The following CTNNA2 variants were observed in gnomAD, a reference collection of about 807,000 sequenced individuals.
CTNNA2 encodes the protein catenin alpha 2, also known as catenin alpha-2.
In CTNNA2, 42 loss-of-function variants were observed where a neutral mutation model predicts 101.0. That is an observed-to-expected ratio of 0.42 (90% CI 0.32 to 0.54). The LOEUF is 0.54. Among genes scored for constraint, CTNNA2 ranks in the 20% least tolerant of loss-of-function variants. The pLI, the probability that CTNNA2 is intolerant of heterozygous loss-of-function variation, is 0.14. For missense variants in CTNNA2, 871 were observed against 1,223.1 expected (o/e 0.71, Z 4.29); for synonymous variants, 450 against 456.4 (o/e 0.99, Z 0.18).
chr2:80,546,162 G>A (rs1449404769), intron 11 of CTNNA2, 99 bp downstream of exon 11: 14 of 1,424,774 alleles, frequency 9.8e-6, no homozygotes, highest in African/African-American at 2.8e-5. Flanking sequence ...TGTTTCAGGC[G>A]CACTCCTTAG....
At chr2:80,260,147 T>G (rs1053015201) in intron 7 of CTNNA2, among the ~76,000 whole-genome samples, 24 of 152,210 alleles carry the variant, frequency 1.6e-4, no homozygotes, top group Admixed American at 3.9e-4. Context: ...ATCTCAATTA[T>G]GTGGCAAATC....
At position 79,616,897 on chromosome 2, in the gene CTNNA2, T is replaced by G. The variant is rs1049942714; in HGVS notation, c.-5-34655T>G. ...TCTTTCTCCCCAATAATATTTAATA[T>G]TTTCTTTCTTTCTTTTTTTTTCGAG... On this transcript the variant is annotated intron_variant, in intron 1 of 18. Coordinates refer to ENST00000402739, the MANE Select transcript of CTNNA2 (RefSeq NM_001282597.3). Among the ~76,000 whole-genome samples the G allele has an allele frequency of 6.0e-5, 9 of 151,136 alleles. No homozygotes were observed. The South Asian group carries it at 1.9e-3, about 32-fold the overall frequency.
At chr2:79,973,503 G>T (rs934853919) in intron 7 of CTNNA2, among the ~76,000 whole-genome samples, 2 of 152,190 alleles carry the variant, frequency 1.3e-5, no homozygotes, top group African/African-American at 4.8e-5. Context: ...TGGTGGAACA[G>T]AGAAGATTTA....
intron 7 of CTNNA2, among the ~76,000 whole-genome samples, chr2:80,057,936 C>T (rs753426598): frequency 4.6e-5 from 7 of 152,068 alleles, no homozygotes; most frequent in Non-Finnish European, 7.4e-5. Context: ...GGAAACAATA[C>T]CTTTCATACT....
chr2:79,349,727 AG>A (rs1456538962), intron 3 of CTNNA2, among the ~76,000 whole-genome samples: 3 of 152,224 alleles, frequency 2.0e-5, no homozygotes, highest in African/African-American at 7.2e-5. Context: ...AACAACAAAA[AG>A]CATGTATGTG....
At chr2:79,808,073 C>T (rs768260755) in intron 3 of CTNNA2, among the ~76,000 whole-genome samples, 8 of 152,180 alleles carry the variant, frequency 5.3e-5, no homozygotes, top group East Asian at 3.9e-4. Flanking sequence ...ACTTGTAAAA[C>T]GTAGTATTTA....
At chr2:80,331,325 G>A (rs1051718460) in intron 7 of CTNNA2, among the ~76,000 whole-genome samples, 2 of 152,144 alleles carry the variant, frequency 1.3e-5, no homozygotes, top group Admixed American at 6.5e-5. Flanking sequence ...GATTGCCAGG[G>A]CTCATTTTAA....
chr2:79,985,974 C>T (rs990836028), intron 7 of CTNNA2, among the ~76,000 whole-genome samples: 6 of 152,176 alleles, frequency 3.9e-5, no homozygotes, highest in African/African-American at 1.2e-4. Flanking sequence ...TAGACATTTG[C>T]TTTCCGAATG....
intron 7 of CTNNA2, among the ~76,000 whole-genome samples, chr2:80,281,975 T>A: frequency 6.6e-6 from 1 of 151,958 alleles, no homozygotes; most frequent in East Asian, 1.9e-4. Flanking sequence ...CTTGGAATAA[T>A]AGAACCTGCA....
chr2:79,743,997 C>T (rs922677901), intron 2 of CTNNA2, among the ~76,000 whole-genome samples: 8 of 152,150 alleles, frequency 5.3e-5, no homozygotes, highest in African/African-American at 1.9e-4. Flanking sequence ...GATGTTGGTT[C>T]TCCTAGCTCA....
chr2:79,835,525 G>A (rs1288384453), intron 3 of CTNNA2, among the ~76,000 whole-genome samples: 1 of 152,042 alleles, frequency 6.6e-6, no homozygotes, highest in African/African-American at 2.4e-5. Flanking sequence ...ATAGCTTTCA[G>A]GCAATACCTC....
chr2:79,641,293 T>C (rs1680433762), intron 1 of CTNNA2, among the ~76,000 whole-genome samples: 1 of 152,196 alleles, frequency 6.6e-6, no homozygotes, highest in South Asian at 2.1e-4. Flanking sequence ...ATAATCTAAA[T>C]ATGAAATGTT....
intron 2 of CTNNA2, among the ~76,000 whole-genome samples, chr2:79,223,333 A>G (rs534098623): frequency 1.3e-5 from 2 of 152,300 alleles, no homozygotes; most frequent in African/African-American, 4.8e-5. Context: ...TGAGAAATAA[A>G]TTTTTATTGT....
In CTNNA2 at chr2:79,776,363, A is replaced by G. The variant is rs955725015; in HGVS notation, c.298+31781A>G. Among the ~76,000 whole-genome samples, 5 of 152,200 alleles carry G rather than the reference A, an allele frequency of 3.3e-5. No individual in the cohort carries two copies. In the East Asian group the frequency reaches 9.6e-4, roughly 29 times the overall value. Reference sequence around the variant, plus strand: ...AGTGTCTGGGTACCACCAAAGCAATATCCATGGTAACAGATACAAAATCTC... The same window carrying G: ...AGTGTCTGGGTACCACCAAAGCAATGTCCATGGTAACAGATACAAAATCTC... On this transcript the variant is annotated intron_variant, in intron 3 of 18. Transcript: ENST00000402739.
At chr2:79,349,178 A>C (rs1677328468) in intron 3 of CTNNA2, among the ~76,000 whole-genome samples, 1 of 152,194 alleles carries the variant, frequency 6.6e-6, no homozygotes, top group African/African-American at 2.4e-5. Flanking sequence ...AGTGAAATGT[A>C]AGTTTGTGGA....
rs61186189 is a variant in CTNNA2 at position 80,547,690 on chromosome 2, C to CTTTTTTTTTT, written c.1540+1634_1540+1643dup. On this transcript the variant is annotated intron_variant, in intron 11 of 18. Coordinates refer to ENST00000402739, the MANE Select transcript of CTNNA2 (RefSeq NM_001282597.3). ...AGAACTCAATATATTGTCACTTCTG[C>CTTTTTTTTTT]TTTTTTTTTTTTTTTTGAGATGGAG... 4.9e-3 allele frequency among the ~76,000 whole-genome samples: 605 copies of CTTTTTTTTTT among 124,198 alleles called. 70 individuals carry two copies. Among genetic ancestry groups the CTTTTTTTTTT allele is most frequent in the African/African-American group, 0.014 (408 of 29,310 alleles). The allele number at this position is 124,198 out of a possible 152,430, so 81.5% of individuals were successfully genotyped here. A position where few individuals can be genotyped will look rare whatever the true frequency, so the allele number is the denominator to read the frequency against.
At chr2:79,768,427 T>C (rs1218312910) in intron 3 of CTNNA2, among the ~76,000 whole-genome samples, 2 of 151,322 alleles carry the variant, frequency 1.3e-5, no homozygotes, top group Non-Finnish European at 2.9e-5. Flanking sequence ...TTGGTTCCTT[T>C]GAAGATGTTT....
At chr2:80,207,097 G>T (rs1205128191) in intron 7 of CTNNA2, among the ~76,000 whole-genome samples, 1 of 152,154 alleles carries the variant, frequency 6.6e-6, no homozygotes, top group East Asian at 1.9e-4. Flanking sequence ...TAAATGAAGG[G>T]TTTTTTGATT....
intron 9 of CTNNA2, among the ~76,000 whole-genome samples, chr2:80,528,832 C>T (rs1690270717): frequency 6.6e-6 from 1 of 152,184 alleles, no homozygotes; most frequent in Non-Finnish European, 1.5e-5. Flanking sequence ...GAGTCTCTAA[C>T]ATATTCTTTG....
Sources: allele counts gnomAD v4.1 joint callset (sites outside exome capture counted in the v4.1 genomes callset), GRCh38; gene constraint gnomAD v4.1.1; transcripts MANE v1.5; gene names NCBI Gene and HGNC (gene_info 2026-07-23, HGNC 2026-07-21).